LURAP1L: variants seen among roughly 807,000 people sequenced by gnomAD.
LURAP1L encodes the protein leucine rich adaptor protein 1-like.
In LURAP1L, 12 loss-of-function variants were observed where a neutral mutation model predicts 13.8. That is an observed-to-expected ratio of 0.87 (90% CI 0.56 to 1.41). LURAP1L has a LOEUF of 1.41. LURAP1L is among the 40% of genes most tolerant of loss of function. The probability of loss-of-function intolerance (pLI) is 0.00; values close to 1 mark genes in which losing one functional copy is unlikely to be tolerated. For synonymous variants in LURAP1L, 139 were observed against 119.2 expected (o/e 1.17, Z -1.08); for missense variants, 375 against 292.9 (o/e 1.28, Z -2.04).
intron 1 of LURAP1L, among the ~76,000 whole-genome samples, chr9:12,813,358 G>A (rs1414491505): frequency 6.6e-6 from 1 of 152,058 alleles, no homozygotes; most frequent in Non-Finnish European, 1.5e-5. Context: ...TTACTTTCAT[G>A]ATTTTTTGAG....
chr9:12,777,448 A>G (rs1016404266), intron 1 of LURAP1L: 1 of 985,400 alleles, frequency 1.0e-6, no homozygotes. Flanking sequence ...CTGCAAATTA[A>G]GGACTTAATA....
At chr9:12,777,986 C>A (rs1263381164) in intron 1 of LURAP1L, among the ~76,000 whole-genome samples, 1 of 152,056 alleles carries the variant, frequency 6.6e-6, no homozygotes, top group African/African-American at 2.4e-5. Flanking sequence ...ACTTTTGCAC[C>A]AACCTAATAT....
chr9:12,815,421 A>G (rs748361249), intron 1 of LURAP1L, among the ~76,000 whole-genome samples: 10 of 152,204 alleles, frequency 6.6e-5, no homozygotes, highest in Admixed American at 1.3e-4. Flanking sequence ...TCCACCAACT[A>G]CAAATCAGAG....
At chr9:12,802,967 C>T (rs868502179) in intron 1 of LURAP1L, among the ~76,000 whole-genome samples, 20 of 152,158 alleles carry the variant, frequency 1.3e-4, no homozygotes, top group African/African-American at 4.3e-4. Context: ...CACCCATACC[C>T]ATCTGACTGA....
intron 1 of LURAP1L, among the ~76,000 whole-genome samples, chr9:12,809,189 T>C (rs76009584): frequency 0.21 from 31,823 of 152,078 alleles, 3,583 homozygotes; most frequent in South Asian, 0.3. Flanking sequence ...AAACACCTCC[T>C]ACCAGGCCCC....
chr9:12,780,387 T>TTTTCAGGTGTAC (rs1554655676), intron 1 of LURAP1L, among the ~76,000 whole-genome samples: 126,439 of 152,180 alleles, frequency 0.83, 52,796 homozygotes, highest in Non-Finnish European at 0.88. Flanking sequence ...AACAAGGTTA[T>TTTTCAGGTGTAC]ATTTCAAAAG....
At chr9:12,781,676 G>C (rs891074545) in intron 1 of LURAP1L, among the ~76,000 whole-genome samples, 1 of 152,166 alleles carries the variant, frequency 6.6e-6, no homozygotes, top group Non-Finnish European at 1.5e-5. Context: ...GACACAGGTT[G>C]CTTGTAAATC....
chr9:12,807,591 G>T (rs1228421992), intron 1 of LURAP1L, among the ~76,000 whole-genome samples: 1 of 152,166 alleles, frequency 6.6e-6, no homozygotes, highest in African/African-American at 2.4e-5. Context: ...GTTTCTAGTA[G>T]ACAAGTTATA....
chr9:12,814,152 C>T (rs1819774277), intron 1 of LURAP1L: 1 of 152,160 alleles, frequency 6.6e-6, no homozygotes, highest in South Asian at 2.1e-4. Flanking sequence ...CATTTACTGG[C>T]ACACTACCCT....
rs1819899326 is a variant in LURAP1L at position 12,822,798 on chromosome 9, T to G, written c.*1038T>G. Among the ~76,000 whole-genome samples, 2 of 152,204 alleles carry G rather than the reference T, an allele frequency of 1.3e-5. No homozygotes were observed. Among genetic ancestry groups the G allele is most frequent in the Admixed American group, 6.5e-5 (1 of 15,280 alleles). ...GTGGATATTTACTTTAAATATAATGTTATTAATCCTCTGCATTTCTTTTAT... is the reference window on the plus strand; with the variant it reads ...GTGGATATTTACTTTAAATATAATGGTATTAATCCTCTGCATTTCTTTTAT... On this transcript the variant is annotated 3_prime_UTR_variant, in exon 2 of 2. Transcript: ENST00000319264.
At chr9:12,801,472 G>A (rs1819584918) in intron 1 of LURAP1L, among the ~76,000 whole-genome samples, 1 of 151,912 alleles carries the variant, frequency 6.6e-6, no homozygotes, top group Non-Finnish European at 1.5e-5. Context: ...ATGTAAGTGT[G>A]TATTTTCTAA....
At chr9:12,784,003 A>G (rs1819313631) in intron 1 of LURAP1L, among the ~76,000 whole-genome samples, 1 of 152,122 alleles carries the variant, frequency 6.6e-6, no homozygotes, top group East Asian at 1.9e-4. Flanking sequence ...TCAATTGTTT[A>G]GCTCCAGAAT....
intron 1 of LURAP1L, among the ~76,000 whole-genome samples, chr9:12,781,472 C>G (rs1285115012): frequency 6.6e-6 from 1 of 152,152 alleles, no homozygotes; most frequent in Admixed American, 6.5e-5. Context: ...CAACTGTTTT[C>G]ATTTTTAGCT....
intron 1 of LURAP1L, among the ~76,000 whole-genome samples, chr9:12,808,950 G>C (rs560707684): frequency 1.7e-4 from 26 of 152,278 alleles, no homozygotes; most frequent in African/African-American, 6.0e-4. Flanking sequence ...GGTTCTGCAG[G>C]CTGTACAGGA....
chr9:12,791,825 T>A (rs1322991874), intron 1 of LURAP1L, among the ~76,000 whole-genome samples: 1 of 152,072 alleles, frequency 6.6e-6, no homozygotes, highest in Non-Finnish European at 1.5e-5. Flanking sequence ...TTGTGGGGCA[T>A]AAATGTTGTC....
In LURAP1L at chr9:12,775,141, C is replaced by G. The variant is rs1819148036; in HGVS notation, c.-575C>G. 6.6e-6 allele frequency: 1 copy of G among 152,230 alleles called. No homozygotes were observed. Among genetic ancestry groups the G allele is most frequent in the African/African-American group, 2.4e-5 (1 of 41,446 alleles). The allele number at this position is 152,230 out of a possible 1,614,324, so 9.4% of individuals were successfully genotyped here. On this transcript the variant is annotated 5_prime_UTR_variant, in exon 1 of 2. Coordinates refer to ENST00000319264, the MANE Select transcript of LURAP1L (RefSeq NM_203403.2). Reference sequence around the variant, plus strand: ...TGGGTCCATGCACACGACCGAACTCCTCTTTCACTGACCAGAGATTATTTC... The same window carrying G: ...TGGGTCCATGCACACGACCGAACTCGTCTTTCACTGACCAGAGATTATTTC...
chr9:12,813,424 C>T (rs888170134), intron 1 of LURAP1L, among the ~76,000 whole-genome samples: 1 of 152,010 alleles, frequency 6.6e-6, no homozygotes, highest in Admixed American at 6.6e-5. Context: ...TGCTCTAGTA[C>T]CGAGTATCTC....
intron 1 of LURAP1L, among the ~76,000 whole-genome samples, chr9:12,807,952 A>G (rs564516330): frequency 6.6e-6 from 1 of 152,226 alleles, no homozygotes; most frequent in East Asian, 1.9e-4. Flanking sequence ...AAGTAATATT[A>G]TACCACATCA....
At chr9:12,791,929 G>A (rs953930047) in intron 1 of LURAP1L, among the ~76,000 whole-genome samples, 2 of 152,024 alleles carry the variant, frequency 1.3e-5, no homozygotes, top group Non-Finnish European at 2.9e-5. Context: ...ACCTGTCCTA[G>A]GAATATTTTT....
Sources: allele counts gnomAD v4.1 joint callset (sites outside exome capture counted in the v4.1 genomes callset), GRCh38; gene constraint gnomAD v4.1.1; transcripts MANE v1.5; gene names NCBI Gene and HGNC (gene_info 2026-07-23, HGNC 2026-07-21).